Variants in HSF2BP observed in about 807,000 individuals in gnomAD.
HSF2BP encodes heat shock factor 2-binding protein.
A neutral mutation model predicts 35.0 loss-of-function variants in HSF2BP; 35 were observed. The observed-to-expected ratio is 1.00, with a 90% CI of 0.76 to 1.32. The LOEUF (loss-of-function observed/expected upper bound fraction) is 1.32, where lower values mean the gene tolerates loss of function less well. HSF2BP is among the 40% of genes most tolerant of loss of function. The pLI is 0.00. For missense variants in HSF2BP, 326 were observed against 321.7 expected, an observed-to-expected ratio of 1.01 and a Z score of -0.10; for synonymous variants, 114 against 117.4, an observed-to-expected ratio of 0.97 and a Z score of 0.18.
At chr21:43,643,383 T>C (rs73908354) in intron 4 of HSF2BP, among the ~76,000 whole-genome samples, 1,972 of 152,254 alleles carry the variant, frequency 0.013, 42 homozygotes, top group African/African-American at 0.044. Flanking sequence ...GTATGGGTCA[T>C]GGGAGTGGAT....
intron 7 of HSF2BP, among the ~76,000 whole-genome samples, chr21:43,600,488 T>A (rs372325094): frequency 6.6e-6 from 1 of 152,202 alleles, no homozygotes; most frequent in Non-Finnish European, 1.5e-5. Flanking sequence ...GAGAAAGCAA[T>A]TGGCACAGCA....
Position 43,658,109 on chromosome 21 carries a change from C to G in HSF2BP, c.-13G>C, listed in dbSNP as rs765147479. ...CCGCTTCGCCCATGGCCGCTGCCGC[C>G]TCCGCTCCGTTCGCCTGAGCGTCGG... On this transcript the variant is annotated 5_prime_UTR_variant, in exon 2 of 9. Transcript: ENST00000291560. 93 of 1,530,234 alleles carry G rather than the reference C, an allele frequency of 6.1e-5. No individual in the cohort carries two copies. Among genetic ancestry groups the G allele is most frequent in the Middle Eastern group, 5.1e-4 (3 of 5,886 alleles). 94.8% of individuals were successfully genotyped at this position (1,530,234 alleles called of 1,614,324 possible).
At chr21:43,575,779 G>A (rs1381946340) in intron 8 of HSF2BP, among the ~76,000 whole-genome samples, 16 of 152,154 alleles carry the variant, frequency 1.1e-4, no homozygotes. Context: ...GCCAAGATTA[G>A]TGCACACTAA....
intron 6 of HSF2BP, among the ~76,000 whole-genome samples, chr21:43,625,407 T>C (rs2146972346): frequency 6.6e-6 from 1 of 152,274 alleles, no homozygotes; most frequent in East Asian, 1.9e-4. Flanking sequence ...AAATCAGTGG[T>C]TGCCTTGGGC....
intron 4 of HSF2BP, among the ~76,000 whole-genome samples, chr21:43,639,324 C>G (rs1170043252): frequency 6.6e-6 from 1 of 152,148 alleles, no homozygotes; most frequent in Non-Finnish European, 1.5e-5. Context: ...AAATTTAAAA[C>G]ATTCGCTTTT....
intron 7 of HSF2BP, among the ~76,000 whole-genome samples, chr21:43,599,936 A>G (rs1031598595): frequency 6.6e-6 from 1 of 151,960 alleles, no homozygotes. Context: ...CCTGTTATAC[A>G]TGGGACTAAC....
At chr21:43,657,724 G>C (rs1169916776) in intron 2 of HSF2BP, 1 of 566,698 alleles carries the variant, frequency 1.8e-6, no homozygotes, top group Non-Finnish European at 2.2e-6. Flanking sequence ...CCCGAAGCAG[G>C]GGGCCAGGGC....
the HSF2BP span, among the ~76,000 whole-genome samples, chr21:43,458,043 G>A: frequency 2.5e-5 from 2 of 80,730 alleles, 1 homozygote; most frequent in Admixed American, 3.4e-4. Context: ...CAGATCATCC[G>A]GTGAAGTTTC....
intron 4 of HSF2BP, among the ~76,000 whole-genome samples, chr21:43,634,882 C>T (rs774296622): frequency 5.3e-5 from 8 of 152,178 alleles, no homozygotes; most frequent in Non-Finnish European, 1.0e-4. Context: ...TGTCACAGCA[C>T]TTCCTTTTGG....
intron 8 of HSF2BP, among the ~76,000 whole-genome samples, chr21:43,573,957 C>A (rs1291640829): frequency 1.3e-5 from 2 of 152,182 alleles, no homozygotes; most frequent in Non-Finnish European, 2.9e-5. Flanking sequence ...CTGCATGGGA[C>A]AAGAGCATCC....
At chr21:43,646,444 C>A (rs977234045) in intron 3 of HSF2BP, among the ~76,000 whole-genome samples, 3 of 152,112 alleles carry the variant, frequency 2.0e-5, no homozygotes, top group East Asian at 3.8e-4. Context: ...CAAAAATGAA[C>A]AAACTGAAAA....
At chr21:43,595,643 G>C (rs575919431) in intron 7 of HSF2BP, among the ~76,000 whole-genome samples, 9 of 143,942 alleles carry the variant, frequency 6.3e-5, no homozygotes, top group African/African-American at 2.0e-4. Context: ...GTGTGACAGA[G>C]CAAGACCCTA....
At chr21:43,601,092 C>T (rs568473111) in intron 7 of HSF2BP, among the ~76,000 whole-genome samples, 1 of 152,278 alleles carries the variant, frequency 6.6e-6, no homozygotes, top group South Asian at 2.1e-4. Context: ...ATTACAAACA[C>T]CACTGCTATA....
intron 3 of HSF2BP, among the ~76,000 whole-genome samples, chr21:43,647,075 C>G (rs1315490722): frequency 6.6e-6 from 1 of 152,100 alleles, no homozygotes; most frequent in Admixed American, 6.5e-5. Context: ...ATCTTTGAAC[C>G]AAGAAAAACA....
chr21:43,598,401 T>TTC (rs397690986), intron 7 of HSF2BP, among the ~76,000 whole-genome samples: 1 of 150,800 alleles, frequency 6.6e-6, no homozygotes, highest in African/African-American at 2.4e-5. Flanking sequence ...TTTTTTTTTT[T>TTC]AGTAGAGACG....
In HSF2BP at chr21:43,582,337, AG is replaced by A. The variant is rs1227003407; in HGVS notation, c.796+9887del. On this transcript the variant is annotated intron_variant, in intron 8 of 8. Transcript: ENST00000291560. ...AGATAAGGGCCTGTTGCGGGAGATG[AG>A]GGCCGGCTGAGGGAGATGAAGACCT... 6.2e-4 allele frequency among the ~76,000 whole-genome samples: 61 copies of A among 98,230 alleles called. 7 individuals carry two copies. The highest frequency in any genetic ancestry group is 2.6e-3 in the African/African-American group (54 of 20,404). The allele number at this position is 98,230 out of a possible 152,430, so 64.4% of individuals were successfully genotyped here. A position where few individuals can be genotyped will look rare whatever the true frequency, so the allele number is the denominator to read the frequency against.
At chr21:43,604,075 G>A (rs1429319314) in intron 7 of HSF2BP, among the ~76,000 whole-genome samples, 1 of 152,072 alleles carries the variant, frequency 6.6e-6, no homozygotes, top group African/African-American at 2.4e-5. Flanking sequence ...GGCAGCCGTG[G>A]CCTGGGAAGA....
Position 43,633,268 on chromosome 21 carries a change from T to C in HSF2BP, c.441+4A>G. 1 of 1,611,500 alleles carries C rather than the reference T, an allele frequency of 6.2e-7. No individual in the cohort carries two copies. Among genetic ancestry groups the C allele is most frequent in the Non-Finnish European group, 8.5e-7 (1 of 1,179,302 alleles). On this transcript the variant is annotated splice_donor_region_variant and intron_variant, in intron 5 of 8. Coordinates refer to ENST00000291560, the MANE Select transcript of HSF2BP (RefSeq NM_007031.2). ...TATCTGGAGAGCCCACTGACCATACTTACTCCTCCCAAAATGGCCTTGACG... is the reference window on the plus strand; with the variant it reads ...TATCTGGAGAGCCCACTGACCATACCTACTCCTCCCAAAATGGCCTTGACG...
chr21:43,639,444 C>T (rs1235039648), intron 4 of HSF2BP, among the ~76,000 whole-genome samples: 4 of 150,616 alleles, frequency 2.7e-5, no homozygotes, highest in Non-Finnish European at 5.9e-5. Flanking sequence ...AGCTCAAACG[C>T]AAAAGTAAAA....
Sources: gnomAD v4.1 joint callset for allele counts (sites outside exome capture counted in the v4.1 genomes callset) on GRCh38, gnomAD v4.1.1 for gene constraint, MANE v1.5 for transcripts, NCBI Gene and HGNC (gene_info 2026-07-23, HGNC 2026-07-21) for gene names.